COL3A1: variants seen among roughly 807,000 people sequenced by gnomAD.
The protein encoded by COL3A1 is collagen alpha-1(III) chain.
COL3A1 carries 46 observed loss-of-function variants against 200.9 expected under a neutral mutation model. The observed-to-expected ratio is 0.23, with a 90% CI of 0.18 to 0.29. The LOEUF is 0.29. COL3A1 is among the 10% of genes least tolerant of loss of function. The pLI is 1.00. For synonymous variants in COL3A1, 650 were observed against 628.0 expected, an observed-to-expected ratio of 1.03 and a Z score of -0.52; for missense variants, 1,367 against 1,917.6, an observed-to-expected ratio of 0.71 and a Z score of 5.36.
chr2:188,987,462 G>C (rs567587574), intron 5 of COL3A1, among the ~76,000 whole-genome samples: 5 of 151,900 alleles, frequency 3.3e-5, no homozygotes, highest in African/African-American at 1.2e-4. Flanking sequence ...TCAGTATTTA[G>C]AAACAGCATG....
At chr2:189,002,212 AAAGAT>A in intron 34 of COL3A1, 81 bp from the exon 35 acceptor site, 1 of 1,132,928 alleles carries the variant, frequency 8.8e-7, no homozygotes, top group East Asian at 2.3e-5. Flanking sequence ...AAAGGAAAGA[AAAGAT>A]AAGATGATAA....
intron 1 of COL3A1, among the ~76,000 whole-genome samples, chr2:188,977,805 GAACT>G (rs1482209118): frequency 6.6e-6 from 1 of 152,002 alleles, no homozygotes; most frequent in Non-Finnish European, 1.5e-5. Flanking sequence ...GAAAGTACAT[GAACT>G]AATAATGCAT....
At chr2:189,005,282 A>G in intron 40 of COL3A1, 68 bp from the exon 41 acceptor site, 1 of 1,343,224 alleles carries the variant, frequency 7.4e-7, no homozygotes. Flanking sequence ...AAATAAAGAT[A>G]TCTGATAACA....
intron 1 of COL3A1, among the ~76,000 whole-genome samples, chr2:188,977,423 T>G (rs77951726): frequency 0.024 from 3,692 of 152,162 alleles, 119 homozygotes; most frequent in East Asian, 0.079. Flanking sequence ...GAGAGTATAT[T>G]TTTTTCATTA....
At chr2:189,007,964 G>C in intron 46 of COL3A1, 26 bp downstream of exon 46, 3 of 1,614,070 alleles carry the variant, frequency 1.9e-6, no homozygotes, top group Non-Finnish European at 2.5e-6. Context: ...AGATATTACA[G>C]GTCCACATGT....
In COL3A1 at chr2:189,012,486, T is replaced by A. The variant is rs1205086991; in HGVS notation, c.*712T>A. The A allele has an allele frequency of 6.6e-6, 1 of 152,648 alleles. No individual in the cohort carries two copies. Among genetic ancestry groups the A allele is most frequent in the Non-Finnish European group, 1.5e-5 (1 of 68,040 alleles). The allele number at this position is 152,648 out of a possible 1,614,324, so 9.5% of individuals were successfully genotyped here. On this transcript the variant is annotated 3_prime_UTR_variant, in exon 51 of 51. Coordinates refer to ENST00000304636, the MANE Select transcript of COL3A1 (RefSeq NM_000090.4). ...CTAATGTACTTTCACTTTTAAACTCTAGATCAGAATTGTTGACTTGCATTC... is the reference window on the plus strand; with the variant it reads ...CTAATGTACTTTCACTTTTAAACTCAAGATCAGAATTGTTGACTTGCATTC...
At chr2:188,996,546 T>C (rs1688324400) in intron 24 of COL3A1, 50 bp downstream of exon 24, 1 of 1,452,948 alleles carries the variant, frequency 6.9e-7, no homozygotes. Flanking sequence ...GGAAGGCTTT[T>C]ATTTTCCATA....
At chr2:188,991,825 T>G (rs1371137847) in intron 13 of COL3A1, 103 bp downstream of exon 13, 1 of 1,167,862 alleles carries the variant, frequency 8.6e-7, no homozygotes, top group African/African-American at 1.5e-5. Context: ...AAAAAGACCT[T>G]CCTACAAAAT....
rs768261402 is a variant in COL3A1, at chr2:188,994,116, C to A, written c.1194+34C>A. The A allele has an allele frequency of 6.2e-7, 1 of 1,613,520 alleles. No individual in the cohort carries two copies. Among genetic ancestry groups the A allele is most frequent in the Non-Finnish European group, 8.5e-7 (1 of 1,179,438 alleles). On this transcript the variant is annotated intron_variant, in intron 17 of 50. Coordinates refer to ENST00000304636, the MANE Select transcript of COL3A1 (RefSeq NM_000090.4). The surrounding 1 kb of genome is among the most constrained non-coding windows in gnomAD (Gnocchi z 4.5). ...TCCCCACTCCTCAGCCTTATCTCAT[C>A]CACACATTACTGGCTTCTTTTGCAT...
intron 16 of COL3A1, 77 bp downstream of exon 16, chr2:188,993,536 T>C: frequency 8.3e-7 from 1 of 1,211,712 alleles, no homozygotes; most frequent in Non-Finnish European, 1.2e-6. Flanking sequence ...GCTTACTCCA[T>C]GAAAGCATGT....
Position 188,994,247 on chromosome 2 carries a change from T to C in COL3A1, c.1208T>C (p.Ile403Thr). The change falls in exon 18 of 51, where the codon ATT becomes ACT. Residue 403 changes from isoleucine to threonine, a missense_variant. By Grantham distance (89) the Ile-to-Thr change is moderately conservative (BLOSUM62 -1). This residue lies in a region of COL3A1 where 462 missense variants were observed against 681.4 expected (regional missense o/e 0.68). Transcript: ENST00000304636. This position sits in a 1 kb window ranked among gnomAD's most constrained non-coding sequence, Gnocchi z 4.5. ...GTTTGTTCTTAGGGTCCCGCTGGCA[T>C]TCCTGGAGCTCCTGGACTGATGGGA... ...GGKGEMGPAGIPGAPGLMGAR... is the reference protein window; with the variant it reads ...GGKGEMGPAGTPGAPGLMGAR... The C allele has an allele frequency of 6.2e-7, 1 of 1,614,148 alleles. No homozygotes were observed. The highest frequency in any genetic ancestry group is 8.5e-7 in the Non-Finnish European group (1 of 1,179,996).
chr2:188,980,993 A>G (rs1479100322), intron 1 of COL3A1, among the ~76,000 whole-genome samples: 1 of 151,428 alleles, frequency 6.6e-6, no homozygotes, highest in African/African-American at 2.4e-5. Flanking sequence ...AGGAAAAAAC[A>G]TTCACTTTTC....
intron 44 of COL3A1, 110 bp from the exon 45 acceptor site, chr2:189,007,390 T>A: frequency 1.1e-6 from 1 of 881,090 alleles, no homozygotes; most frequent in Non-Finnish European, 1.7e-6. Context: ...TGATGGGGGA[T>A]TTTTTAGCTG....
chr2:189,001,412 A>T lies in COL3A1; in HGVS notation c.2299A>T (p.Ile767Phe). 1.2e-6 allele frequency: 2 copies of T among 1,613,882 alleles called. No individual in the cohort carries two copies. The highest frequency in any genetic ancestry group is 1.7e-6 in the Non-Finnish European group (2 of 1,179,708). The part of the protein sequence containing the change: ...KDGPRGPTGP[I>F]GPPGPAGQPG... ...TTTCCTCTAGGGTCCTACTGGTCCT[A>T]TTGGTCCTCCTGGCCCAGCTGGCCA... The change falls in exon 33 of 51, where the codon ATT (isoleucine) becomes TTT (phenylalanine). Residue 767 changes from isoleucine (I) to phenylalanine (F), a missense_variant. Physicochemically the swap from Ile to Phe is conservative, Grantham distance 21. Transcript: ENST00000304636.
chr2:188,982,724 C>A (rs1687979343), intron 1 of COL3A1, among the ~76,000 whole-genome samples: 2 of 151,846 alleles, frequency 1.3e-5, no homozygotes, highest in African/African-American at 4.8e-5. Context: ...ATGGGAAAAT[C>A]TTGGGCTGAA....
chr2:188,990,148 C>T lies in COL3A1; in HGVS notation c.743C>T (p.Pro248Leu). 3 of 1,613,550 alleles carry T rather than the reference C, an allele frequency of 1.9e-6. No individual in the cohort carries two copies. The highest frequency in any genetic ancestry group is 2.5e-6 in the Non-Finnish European group (3 of 1,179,636). Residue 248 changes from proline (P) to leucine (L), a missense_variant and splice_region_variant, in exon 9 of 51, where the codon CCA (proline) becomes CTA (leucine). Transcript: ENST00000304636. ...GGAGAGCGAGGATTGCCTGGACCTC[C>T]AGTGAGTCTTCAGCATCTAATAAAT... ...RPGERGLPGP[P>L]GIKGPAGIPG...
intron 27 of COL3A1, 106 bp downstream of exon 27, chr2:188,997,859 C>T: frequency 9.5e-7 from 1 of 1,049,132 alleles, no homozygotes; most frequent in Non-Finnish European, 1.5e-6. Context: ...TTCTGTCTTT[C>T]ATCTGGAAAT....
chr2:189,003,955 A>C (rs1384119770), intron 38 of COL3A1, 27 bp from the exon 39 acceptor site: 1 of 1,581,892 alleles, frequency 6.3e-7, no homozygotes, highest in African/African-American at 1.4e-5. Flanking sequence ...TATTATAAAT[A>C]TTCAAATTTC....
chr2:188,991,485 A>G lies in COL3A1; in HGVS notation c.853-2A>G. The G allele has an allele frequency of 6.3e-7, 1 of 1,594,414 alleles. No individual in the cohort carries two copies. Among genetic ancestry groups the G allele is most frequent in the Non-Finnish European group, 8.6e-7 (1 of 1,162,944 alleles). ...ATAGTAACATATTTTATATGTATCT[A>G]GGGTGAAAATGGTCTTCCAGGCGAA... On this transcript the variant is annotated splice_acceptor_variant, in intron 11 of 50. Transcript: ENST00000304636. LOFTEE classifies it high-confidence loss of function.
Sources: gnomAD v4.1 joint callset for allele counts (sites outside exome capture counted in the v4.1 genomes callset) on GRCh38, gnomAD v4.1.1 for gene constraint, gnomAD v4.1.1 regional missense constraint, Gnocchi (gnomAD v3.1) non-coding constraint, MANE v1.5 for transcripts, NCBI Gene and HGNC (gene_info 2026-07-23, HGNC 2026-07-21) for gene names.